MAP9: variants seen among roughly 807,000 people sequenced by gnomAD.
The protein encoded by MAP9 is microtubule-associated protein 9.
MAP9 carries 80 observed loss-of-function variants against 75.2 expected under a neutral mutation model. The observed-to-expected ratio is 1.06, with a 90% CI of 0.89 to 1.28. The LOEUF (loss-of-function observed/expected upper bound fraction) is 1.28. Ranked by LOEUF, MAP9 falls within the 50% of genes most tolerant of loss-of-function variation. The probability of loss-of-function intolerance (pLI) is 0.00; values close to 1 mark genes in which losing one functional copy is unlikely to be tolerated. For synonymous variants in MAP9, 235 were observed against 237.3 expected (o/e 0.99, Z 0.09); for missense variants, 753 against 719.9 (o/e 1.05, Z -0.53).
chr4:155,346,206 A>G lies in MAP9; in HGVS notation c.*1577T>C, dbSNP rs1731281529. ...GTGATCATCTCAAAGCCTTTGTCAC[A>G]TAACTTGCTGAGTTTTCTGATATTC... On this transcript the variant is annotated 3_prime_UTR_variant, in exon 14 of 14. Coordinates refer to ENST00000311277, the MANE Select transcript of MAP9 (RefSeq NM_001039580.2). The G allele has an allele frequency of 6.6e-6, 1 of 152,162 alleles. No individual in the cohort carries two copies. The highest frequency in any genetic ancestry group is 1.5e-5 in the Non-Finnish European group (1 of 68,020). 9.4% of individuals were successfully genotyped at this position (152,162 alleles called of 1,614,324 possible). A position where few individuals can be genotyped will look rare whatever the true frequency, so the allele number is the denominator to read the frequency against.
chr4:155,351,717 T>C (rs889163574), intron 13 of MAP9, among the ~76,000 whole-genome samples: 4 of 151,824 alleles, frequency 2.6e-5, no homozygotes, highest in Non-Finnish European at 4.4e-5. Context: ...TGTATACAAA[T>C]GAAAAGATAT....
At chr4:155,350,497 G>A (rs972928009) in intron 13 of MAP9, among the ~76,000 whole-genome samples, 1 of 151,844 alleles carries the variant, frequency 6.6e-6, no homozygotes, top group Non-Finnish European at 1.5e-5. Flanking sequence ...TGAAGATATG[G>A]AATTAAAATG....
Position 155,344,180 on chromosome 4 carries a change from AAAGTGTAGGT to A in MAP9, c.*3593_*3602del, listed in dbSNP as rs1352300613. 14 of 152,116 alleles carry A rather than the reference AAAGTGTAGGT, an allele frequency of 9.2e-5. No individual in the cohort carries two copies. The allele number at this position is 152,116 out of a possible 1,614,324, so 9.4% of individuals were successfully genotyped here. ...AAACTTCATTATTTCCCCTCACTTT[AAAGTGTAGGT>A]ACCCAAATAGCTTTGATCTGGTGGA... is the stretch of plus-strand genomic sequence containing the variant. On this transcript the variant is annotated 3_prime_UTR_variant, in exon 14 of 14. Coordinates refer to ENST00000311277, the MANE Select transcript of MAP9 (RefSeq NM_001039580.2).
chr4:155,353,387 TAC>T (rs1731614632), intron 10 of MAP9, 47 bp from the exon 11 acceptor site: 1 of 1,338,178 alleles, frequency 7.5e-7, no homozygotes, highest in South Asian at 1.9e-5. Flanking sequence ...TATGTATATA[TAC>T]ATAGACACAA....
At chr4:155,351,489 A>T (rs1731508386) in intron 13 of MAP9, among the ~76,000 whole-genome samples, 1 of 151,788 alleles carries the variant, frequency 6.6e-6, no homozygotes, top group African/African-American at 2.4e-5. Context: ...CTAAAATTTA[A>T]ATTCTTCATG....
Position 155,373,255 on chromosome 4 carries a change from C to T in MAP9, c.362G>A (p.Cys121Tyr). ...KNEEEMAPDG[C>Y]EDIVVKSFSE... ...GAAAGATTTTACAACAATGTCTTCA[C>T]ACCCATCAGGTGCCATTTCCTCTTC... The change falls in exon 4 of 14, where the codon TGT (cysteine) becomes TAT (tyrosine). Residue 121 changes from cysteine (C) to tyrosine (Y), a missense_variant. Cys to Tyr is a radical substitution (Grantham distance 194). Coordinates refer to ENST00000311277, the MANE Select transcript of MAP9 (RefSeq NM_001039580.2). 6 of 1,613,328 alleles carry T rather than the reference C, an allele frequency of 3.7e-6. No individual in the cohort carries two copies. Among genetic ancestry groups the T allele is most frequent in the Middle Eastern group, 1.7e-4 (1 of 6,056 alleles).
In MAP9 at chr4:155,360,354, A is replaced by ATTC. The variant is rs746635488; in HGVS notation, c.861_863dup (p.Glu287_Asn288insLys). 6.2e-7 allele frequency: 1 copy of ATTC among 1,612,696 alleles called. No individual in the cohort carries two copies. Among genetic ancestry groups the ATTC allele is most frequent in the South Asian group, 1.1e-5 (1 of 91,046 alleles). On this transcript the variant is annotated inframe_insertion, in exon 7 of 14. Coordinates refer to ENST00000311277, the MANE Select transcript of MAP9 (RefSeq NM_001039580.2). Reference sequence around the variant, plus strand: ...TAGTCACATGGTCTGCTGAAAATGAATTCTCTTTATTTTCATCTGATTTCA... The same window carrying ATTC: ...TAGTCACATGGTCTGCTGAAAATGAATTCTTCTCTTTATTTTCATCTGATTTCA...
chr4:155,368,146 A>C (rs2111265224), intron 5 of MAP9: 1 of 204,480 alleles, frequency 4.9e-6, no homozygotes, highest in East Asian at 1.1e-4. Flanking sequence ...ACATTTGTTG[A>C]GTGAATAAAA....
At chr4:155,370,182 A>G (rs993349758) in intron 4 of MAP9, among the ~76,000 whole-genome samples, 2 of 152,156 alleles carry the variant, frequency 1.3e-5, no homozygotes, top group South Asian at 2.1e-4. Flanking sequence ...AATATATCCT[A>G]TCAATTCTAA....
intron 2 of MAP9, among the ~76,000 whole-genome samples, chr4:155,375,439 A>T (rs1030825041): frequency 6.6e-6 from 1 of 152,224 alleles, no homozygotes; most frequent in Non-Finnish European, 1.5e-5. Flanking sequence ...TTGCAAACTT[A>T]GAGGCTGAGT....
At chr4:155,370,917 A>G (rs1283548214) in intron 4 of MAP9, among the ~76,000 whole-genome samples, 6 of 152,184 alleles carry the variant, frequency 3.9e-5, no homozygotes, top group Non-Finnish European at 7.4e-5. Flanking sequence ...AATTGCCTCA[A>G]ACTCCTAGAG....
At chr4:155,370,363 G>C (rs1395515716) in intron 4 of MAP9, among the ~76,000 whole-genome samples, 2 of 152,106 alleles carry the variant, frequency 1.3e-5, no homozygotes, top group Non-Finnish European at 2.9e-5. Context: ...CAGAATAAAA[G>C]CTTAACTGCC....
At position 155,368,792 on chromosome 4, in the gene MAP9, T is replaced by G; in HGVS notation, c.502A>C (p.Thr168Pro). The G allele has an allele frequency of 6.2e-7, 1 of 1,607,298 alleles. No individual in the cohort carries two copies. The highest frequency in any genetic ancestry group is 8.5e-7 in the Non-Finnish European group (1 of 1,177,452). Residue 168 changes from threonine to proline, a missense_variant, in exon 5 of 14, where the codon ACA (threonine) becomes CCA (proline). Thr to Pro is a conservative substitution (Grantham distance 38). Transcript: ENST00000311277. ...TSSAENNSLDTDDHFKPSPRP... is the reference protein window; with the variant it reads ...TSSAENNSLDPDDHFKPSPRP... ...GGTGATGGTTTAAAGTGATCATCTG[T>G]GTCAAGGCTGTTGTTTTCTGCTGAA...
intron 3 of MAP9, among the ~76,000 whole-genome samples, chr4:155,373,926 C>T (rs1348105754): frequency 2.6e-5 from 4 of 152,104 alleles, no homozygotes; most frequent in Non-Finnish European, 4.4e-5. Context: ...TCCATCCACA[C>T]CAGAATATTA....
Position 155,347,207 on chromosome 4 carries a change from G to A in MAP9, c.*576C>T, listed in dbSNP as rs1731317652. On this transcript the variant is annotated 3_prime_UTR_variant, in exon 14 of 14. Coordinates refer to ENST00000311277, the MANE Select transcript of MAP9 (RefSeq NM_001039580.2). ...AAAGTACACTCATATTAAAACATAA[G>A]GCAAAATTCTTAAATAAAAAGCCTT... The A allele has an allele frequency of 6.6e-6, 1 of 152,100 alleles. No individual in the cohort carries two copies. Among genetic ancestry groups the A allele is most frequent in the South Asian group, 2.1e-4 (1 of 4,814 alleles). The allele number at this position is 152,100 out of a possible 1,614,324, so 9.4% of individuals were successfully genotyped here.
chr4:155,349,192 G>C (rs914169777), intron 13 of MAP9, among the ~76,000 whole-genome samples: 2 of 2,180 alleles, frequency 9.2e-4, no homozygotes, highest in Admixed American at 8.1e-3. Context: ...CAGTAGTGGT[G>C]AGGGCTCTGA....
chr4:155,356,211 G>A (rs889160183), intron 8 of MAP9, among the ~76,000 whole-genome samples: 8 of 152,050 alleles, frequency 5.3e-5, no homozygotes, highest in Non-Finnish European at 1.5e-5. Flanking sequence ...AGGTTGCAGT[G>A]AGCAGAGATC....
intron 4 of MAP9, among the ~76,000 whole-genome samples, chr4:155,369,538 A>T (rs1732502814): frequency 6.6e-6 from 1 of 152,176 alleles, no homozygotes; most frequent in Non-Finnish European, 1.5e-5. Flanking sequence ...CTCATCCATC[A>T]AGCCTTTGAG....
chr4:155,355,220 T>C (rs1250314118), intron 9 of MAP9, 60 bp from the exon 10 acceptor site: 1 of 532,898 alleles, frequency 1.9e-6, no homozygotes, highest in Non-Finnish European at 3.1e-6. Context: ...ATTAGAATTC[T>C]TTATATTAAC....
Sources: gnomAD v4.1 joint callset for allele counts (sites outside exome capture counted in the v4.1 genomes callset) on GRCh38, gnomAD v4.1.1 for gene constraint, MANE v1.5 for transcripts, NCBI Gene and HGNC (gene_info 2026-07-23, HGNC 2026-07-21) for gene names.